ZNF100: variants seen among roughly 807,000 people sequenced by gnomAD.
ZNF100 encodes the protein zinc finger protein 100 (Y1).
A neutral mutation model predicts 15.8 loss-of-function variants in ZNF100; 12 were observed. The ratio of observed to expected loss-of-function variants is 0.76; its 90% CI spans 0.49 to 1.23. The LOEUF (loss-of-function observed/expected upper bound fraction) is 1.23, where lower values mean the gene tolerates loss of function less well. Among genes scored for constraint, ZNF100 ranks in the 50% most tolerant of loss-of-function variants. ZNF100 has a pLI of 0.00. For synonymous variants in ZNF100, 226 were observed against 214.8 expected, an observed-to-expected ratio of 1.05 and a Z score of -0.45; for missense variants, 670 against 635.6, an observed-to-expected ratio of 1.05 and a Z score of -0.58.
rs899668996 is a variant in ZNF100 at position 21,744,226 on chromosome 19, G to A, written c.224-111C>T. 7 of 993,386 alleles carry A rather than the reference G, an allele frequency of 7.0e-6. No individual in the cohort carries two copies. In the East Asian group the frequency reaches 9.4e-5, roughly 13 times the overall value. 61.5% of individuals were successfully genotyped at this position (993,386 alleles called of 1,614,324 possible). The stretch of plus-strand genomic sequence containing the variant: ...AATATTCTAGAAAATTAATCCTAAC[G>A]TACTAATTAATGAGAGAAATTTCTA... On this transcript the variant is annotated intron_variant, in intron 3 of 4. Transcript: ENST00000358296.
intron 2 of ZNF100, among the ~76,000 whole-genome samples, chr19:21,748,297 G>A (rs1439213532): frequency 6.6e-6 from 1 of 152,194 alleles, no homozygotes; most frequent in Non-Finnish European, 1.5e-5. Flanking sequence ...AATCAGTTCT[G>A]TAAGGCAAGA....
chr19:21,737,435 C>T (rs567977012), intron 4 of ZNF100, among the ~76,000 whole-genome samples: 96 of 151,116 alleles, frequency 6.4e-4, no homozygotes, highest in Non-Finnish European at 1.2e-3. Context: ...CTCAGGCGGC[C>T]GAGGCAGGAG....
rs927652883 is a variant in ZNF100 at position 21,724,340 on chromosome 19, CTT to C, written c.*2341_*2342del. 4 of 152,112 alleles carry C rather than the reference CTT, an allele frequency of 2.6e-5. No individual in the cohort carries two copies. The highest frequency in any genetic ancestry group is 9.7e-5 in the African/African-American group (4 of 41,412). The allele number at this position is 152,112 out of a possible 1,614,324, so 9.4% of individuals were successfully genotyped here. On this transcript the variant is annotated 3_prime_UTR_variant, in exon 5 of 5. Transcript: ENST00000358296. The stretch of plus-strand genomic sequence containing the variant: ...AAACTCACTCTATAATTTTCTTACA[CTT>C]AAGGTTTATCTTTAGACTAACATAT...
chr19:21,766,000 A>C (rs1302889438), intron 1 of ZNF100, among the ~76,000 whole-genome samples: 1 of 152,194 alleles, frequency 6.6e-6, no homozygotes, highest in African/African-American at 2.4e-5. Flanking sequence ...GAGAAGGTAA[A>C]AGGAAAAGAG....
chr19:21,730,400 AAAG>A (rs1362427525), intron 4 of ZNF100, among the ~76,000 whole-genome samples: 11 of 151,752 alleles, frequency 7.2e-5, no homozygotes, highest in African/African-American at 2.7e-4. Flanking sequence ...GCAAAGAGAC[AAAG>A]AAGGGCATTA....
At chr19:21,745,195 T>C in intron 2 of ZNF100, 128 bp from the exon 3 acceptor site, 1 of 1,402,856 alleles carries the variant, frequency 7.1e-7, no homozygotes, top group Middle Eastern at 1.9e-4. Context: ...TGACAAATTT[T>C]CCAATAATTT....
At chr19:21,762,875 C>T (rs1047717159) in intron 2 of ZNF100, among the ~76,000 whole-genome samples, 2 of 152,020 alleles carry the variant, frequency 1.3e-5, no homozygotes, top group African/African-American at 2.4e-5. Flanking sequence ...AAATACAGGC[C>T]ATAAAGACCT....
At chr19:21,764,378 T>C (rs1385981539) in intron 2 of ZNF100, among the ~76,000 whole-genome samples, 1 of 152,112 alleles carries the variant, frequency 6.6e-6, no homozygotes, top group African/African-American at 2.4e-5. Context: ...GCATGGTGGC[T>C]CATGCTTGTA....
intron 2 of ZNF100, among the ~76,000 whole-genome samples, chr19:21,762,319 C>T (rs562401768): frequency 6.6e-6 from 1 of 152,322 alleles, no homozygotes; most frequent in Non-Finnish European, 1.5e-5. Context: ...CAATCAGCCA[C>T]GACTTCCTAT....
rs1361588789 is a variant in ZNF100 at position 21,722,951 on chromosome 19, T to TTA, written c.*3730_*3731dup. The TTA allele has an allele frequency of 6.6e-6, 1 of 151,996 alleles. No homozygotes were observed. Among genetic ancestry groups the TTA allele is most frequent in the African/African-American group, 2.4e-5 (1 of 41,414 alleles). 9.4% of individuals were successfully genotyped at this position (151,996 alleles called of 1,614,324 possible). A position where few individuals can be genotyped will look rare whatever the true frequency, so the allele number is the denominator to read the frequency against. On this transcript the variant is annotated 3_prime_UTR_variant, in exon 5 of 5. Coordinates refer to ENST00000358296, the MANE Select transcript of ZNF100 (RefSeq NM_173531.4). ...TTTAACAAAGAACAACTATTCTGATTTAATCTTCTCACCTGTGGACAATGT... is the reference window on the plus strand; with the variant it reads ...TTTAACAAAGAACAACTATTCTGATTTATAATCTTCTCACCTGTGGACAATGT...
intron 2 of ZNF100, among the ~76,000 whole-genome samples, chr19:21,762,996 G>A (rs1188971619): frequency 6.6e-6 from 1 of 152,146 alleles, no homozygotes; most frequent in Non-Finnish European, 1.5e-5. Context: ...TCAGTGCTAT[G>A]AGAGTTTACA....
chr19:21,756,195 A>C (rs959178831), intron 2 of ZNF100, among the ~76,000 whole-genome samples: 4 of 152,214 alleles, frequency 2.6e-5, no homozygotes, highest in African/African-American at 4.8e-5. Context: ...CCCTCAACAA[A>C]CTAGGCATTG....
At chr19:21,751,715 G>A in intron 2 of ZNF100, 2 of 1,205,594 alleles carry the variant, frequency 1.7e-6, no homozygotes, top group South Asian at 1.3e-5. Flanking sequence ...TAGTGTTTAT[G>A]CCAAACACTA....
Position 21,725,650 on chromosome 19 carries a change from AATTAC to A in ZNF100, c.*1028_*1032del, listed in dbSNP as rs1384632889. On this transcript the variant is annotated 3_prime_UTR_variant, in exon 5 of 5. Transcript: ENST00000358296. ...AAGGCAGGAAATAATTTAAGAGTTG[AATTAC>A]ATTATTACTCACTTTTCAAAAAATC... 6.6e-6 allele frequency: 1 copy of A among 152,186 alleles called. No homozygotes were observed. Among genetic ancestry groups the A allele is most frequent in the Non-Finnish European group, 1.5e-5 (1 of 67,994 alleles). The allele number at this position is 152,186 out of a possible 1,614,324, so 9.4% of individuals were successfully genotyped here.
In ZNF100 at chr19:21,724,300, C is replaced by G. The variant is rs1339968697; in HGVS notation, c.*2383G>C. The G allele has an allele frequency of 6.6e-6, 1 of 152,084 alleles. No individual in the cohort carries two copies. The highest frequency in any genetic ancestry group is 2.4e-5 in the African/African-American group (1 of 41,428). 9.4% of individuals were successfully genotyped at this position (152,084 alleles called of 1,614,324 possible). On this transcript the variant is annotated 3_prime_UTR_variant, in exon 5 of 5. Transcript: ENST00000358296. ...TGCTTTTTTCTTCGGAAAACAGGTA[C>G]AAATTCATACACACAAACTCACTCT...
At position 21,727,889 on chromosome 19, in the gene ZNF100, G is replaced by A; in HGVS notation, c.423C>T (p.Asp141=). The A allele has an allele frequency of 6.2e-7, 1 of 1,608,130 alleles. No homozygotes were observed. Among genetic ancestry groups the A allele is most frequent in the Non-Finnish European group, 8.5e-7 (1 of 1,178,076 alleles). ...ILKKYGKYGH[D]NLQLQKGCKS... The stretch of plus-strand genomic sequence containing the variant: ...TACAGCCTTTTTGTAACTGTAAATT[G>A]TCATGTCCATATTTTCCATATTTTT... The change falls in exon 5 of 5, where the codon GAC becomes GAT. Residue 141 remains aspartate, a synonymous_variant. Coordinates refer to ENST00000358296, the MANE Select transcript of ZNF100 (RefSeq NM_173531.4).
rs1407473042 is a variant in ZNF100 at position 21,726,892 on chromosome 19, CAGTT to C, written c.1416_1419del (p.Thr473HisfsTer4). The C allele has an allele frequency of 4.5e-6, 7 of 1,568,458 alleles. No individual in the cohort carries two copies. Among genetic ancestry groups the C allele is most frequent in the Non-Finnish European group, 5.2e-6 (6 of 1,158,208 alleles). ...TCTCCAGTATGAATCATCTTATGTGCAGTTAGTTGTGAGGACCGGTTAAAGGCTT... is the reference window on the plus strand; with the variant it reads ...TCTCCAGTATGAATCATCTTATGTGCAGTTGTGAGGACCGGTTAAAGGCTT... On this transcript the variant is annotated frameshift_variant, in exon 5 of 5. Coordinates refer to ENST00000358296, the MANE Select transcript of ZNF100 (RefSeq NM_173531.4). LOFTEE classifies it low-confidence loss of function (END_TRUNC).
intron 2 of ZNF100, among the ~76,000 whole-genome samples, chr19:21,760,043 G>T (rs192116754): frequency 1.3e-5 from 2 of 151,854 alleles, no homozygotes; most frequent in South Asian, 4.2e-4. Context: ...TTAGCTGGGC[G>T]TGGTGGCACA....
chr19:21,736,491 C>T (rs550142076), intron 4 of ZNF100, among the ~76,000 whole-genome samples: 7 of 152,302 alleles, frequency 4.6e-5, no homozygotes, highest in African/African-American at 1.4e-4. Context: ...AGACAGATCT[C>T]TGAGAGAGAA....
Sources: allele counts gnomAD v4.1 joint callset (sites outside exome capture counted in the v4.1 genomes callset), GRCh38; gene constraint gnomAD v4.1.1; transcripts MANE v1.5; gene names NCBI Gene and HGNC (gene_info 2026-07-23, HGNC 2026-07-21).